MPP7: variants seen among roughly 807,000 people sequenced by gnomAD.
MPP7 encodes the protein MAGUK p55 subfamily member 7.
Under a neutral mutation model 76.5 loss-of-function variants are expected in MPP7, and 60 were observed. The ratio of observed to expected loss-of-function variants is 0.78; its 90% confidence interval spans 0.64 to 0.97. The LOEUF (loss-of-function observed/expected upper bound fraction) is 0.97. Among genes scored for constraint, MPP7 ranks in the 50% least tolerant of loss-of-function variants. The pLI is 0.00. For missense variants in MPP7, 641 were observed against 694.0 expected (o/e 0.92, Z 0.86); for synonymous variants, 237 against 244.5 (o/e 0.97, Z 0.29).
intron 2 of MPP7, among the ~76,000 whole-genome samples, chr10:28,237,876 CTGGTCCAGA>C (rs1839129789): frequency 6.6e-6 from 1 of 152,198 alleles, no homozygotes; most frequent in Admixed American, 6.5e-5. Context: ...AGTGCTGATT[CTGGTCCAGA>C]ACAGGACCTC....
intron 14 of MPP7, among the ~76,000 whole-genome samples, chr10:28,059,288 C>T (rs10740781): frequency 0.29 from 43,690 of 151,864 alleles, 7,129 homozygotes; most frequent in East Asian, 0.65. Flanking sequence ...GTGAAGCAGA[C>T]GCTGGACCTA....
intron 2 of MPP7, among the ~76,000 whole-genome samples, chr10:28,228,154 T>C (rs1838759942): frequency 6.6e-6 from 1 of 152,194 alleles, no homozygotes; most frequent in African/African-American, 2.4e-5. Context: ...AAGACCTTGC[T>C]TTTCCACAAG....
intron 11 of MPP7, among the ~76,000 whole-genome samples, chr10:28,113,333 T>C (rs1834562732): frequency 6.6e-6 from 1 of 152,186 alleles, no homozygotes; most frequent in East Asian, 1.9e-4. Context: ...CGAGGTATAC[T>C]GCTCTCCTCT....
chr10:28,220,708 G>A (rs2134062258), intron 2 of MPP7, among the ~76,000 whole-genome samples: 1 of 152,266 alleles, frequency 6.6e-6, no homozygotes, highest in South Asian at 2.1e-4. Flanking sequence ...GCAGAAAGTG[G>A]CCTATTTGGT....
intron 1 of MPP7, among the ~76,000 whole-genome samples, chr10:28,295,975 A>G (rs1841027491): frequency 6.6e-6 from 1 of 152,244 alleles, no homozygotes; most frequent in Admixed American, 6.5e-5. Flanking sequence ...CATAAGCCAA[A>G]TAACTCTCTG....
intron 1 of MPP7, among the ~76,000 whole-genome samples, chr10:28,257,745 TAAAAAA>T (rs66568214): frequency 1.4e-5 from 2 of 142,074 alleles, no homozygotes; most frequent in South Asian, 4.5e-4. Context: ...TAAAGTATAA[TAAAAAA>T]AAAAAAAAAG....
intron 1 of MPP7, among the ~76,000 whole-genome samples, chr10:28,270,821 A>AG (rs1356816829): frequency 6.6e-6 from 1 of 152,148 alleles, no homozygotes; most frequent in African/African-American, 2.4e-5. Flanking sequence ...GAAGCCTGAG[A>AG]GCTCTTTCTG....
chr10:28,119,306 A>G (rs1301118453), intron 11 of MPP7, among the ~76,000 whole-genome samples: 1 of 152,150 alleles, frequency 6.6e-6, no homozygotes, highest in Admixed American at 6.5e-5. Context: ...CTTTACCAAG[A>G]AATACCTAAC....
At chr10:28,067,985 A>G (rs1053482330) in intron 13 of MPP7, among the ~76,000 whole-genome samples, 1 of 152,148 alleles carries the variant, frequency 6.6e-6, no homozygotes, top group Non-Finnish European at 1.5e-5. Flanking sequence ...ACCATCTTAT[A>G]CTTGACTGGG....
Position 28,333,968 on chromosome 10 carries a change from G to A in MPP7, c.-206+450C>T, listed in dbSNP as rs191198435. 2.0e-3 allele frequency among the ~76,000 whole-genome samples: 310 copies of A among 152,218 alleles called. 3 individuals are homozygous for A. Among genetic ancestry groups the A allele is most frequent in the African/African-American group, 6.7e-3 (277 of 41,520 alleles). On this transcript the variant is annotated intron_variant, in intron 1 of 11. Coordinates refer to the MPP7 transcript ENST00000441595. ...AGCACTTTGGGAGGCCAAGGCGGGC[G>A]GATCACTTGAGGTCAGGAGTTCGAG...
chr10:28,223,487 A>G (rs1588947801), intron 2 of MPP7, among the ~76,000 whole-genome samples: 1 of 152,190 alleles, frequency 6.6e-6, no homozygotes, highest in Non-Finnish European at 1.5e-5. Flanking sequence ...TCATTCCATC[A>G]TCGTTGCATA....
intron 11 of MPP7, among the ~76,000 whole-genome samples, chr10:28,106,614 T>C (rs140557979): frequency 5.3e-4 from 81 of 152,300 alleles, no homozygotes; most frequent in African/African-American, 1.9e-3. Context: ...TTTTCAGATA[T>C]TCAATTCTTT....
At chr10:28,308,763 G>A (rs1037034490) in intron 2 of MPP7, among the ~76,000 whole-genome samples, 2 of 151,588 alleles carry the variant, frequency 1.3e-5, no homozygotes, top group Non-Finnish European at 2.9e-5. Context: ...GGGCAACAGA[G>A]TGAGACCCTG....
intron 3 of MPP7, among the ~76,000 whole-genome samples, chr10:28,194,622 C>A (rs1837520956): frequency 6.6e-6 from 1 of 152,142 alleles, no homozygotes; most frequent in South Asian, 2.1e-4. Flanking sequence ...AGAAGCCAAT[C>A]TGAAAAGGCT....
chr10:28,125,279 G>A (rs1293066166), intron 6 of MPP7, among the ~76,000 whole-genome samples, 188 bp from the exon 7 acceptor site: 2 of 152,116 alleles, frequency 1.3e-5, no homozygotes, highest in Non-Finnish European at 2.9e-5. Context: ...CTAAATAGAG[G>A]AAATTCTATC....
Position 28,277,441 on chromosome 10 carries a change from A to G in MPP7, c.-132+25420T>C, listed in dbSNP as rs552554626. On this transcript the variant is annotated intron_variant, in intron 1 of 16. Transcript: ENST00000683449. ...AAAAACGATCTCCTAATGTTTTAAG[A>G]AAGTTTAGGAATTTGTGTTGGGCCA... is the stretch of plus-strand genomic sequence containing the variant. Among the ~76,000 whole-genome samples the G allele has an allele frequency of 1.4e-3, 206 of 152,098 alleles. 2 individuals carry two copies. The highest frequency in any genetic ancestry group is 4.7e-3 in the African/African-American group (194 of 41,432).
chr10:28,115,029 T>C (rs1457050465), intron 11 of MPP7, among the ~76,000 whole-genome samples: 2 of 152,248 alleles, frequency 1.3e-5, no homozygotes, highest in Non-Finnish European at 2.9e-5. Context: ...AACTCTGGCA[T>C]CTTCCAGATA....
At chr10:28,262,227 A>ATATATATATATATG (rs1564741404) in intron 1 of MPP7, among the ~76,000 whole-genome samples, 750 of 22,986 alleles carry the variant, frequency 0.033, 36 homozygotes, top group Non-Finnish European at 0.044. Flanking sequence ...ATATATATAC[A>ATATATATATATATG]TATATATATA....
At chr10:28,061,647 A>G (rs1257436897) in intron 13 of MPP7, among the ~76,000 whole-genome samples, 1 of 152,024 alleles carries the variant, frequency 6.6e-6, no homozygotes, top group South Asian at 2.1e-4. Context: ...CCAAACTTCT[A>G]TAATTTGGTG....
Sources: gnomAD v4.1 joint callset for allele counts (sites outside exome capture counted in the v4.1 genomes callset) on GRCh38, gnomAD v4.1.1 for gene constraint, MANE v1.5 for transcripts, NCBI Gene and HGNC (gene_info 2026-07-23, HGNC 2026-07-21) for gene names.